TRIM14: variants seen among roughly 807,000 people sequenced by gnomAD.
TRIM14 encodes the protein tripartite motif-containing protein 14.
In TRIM14, 28 loss-of-function variants were observed where a neutral mutation model predicts 44.5. The observed-to-expected ratio is 0.63, with a 90% CI of 0.47 to 0.86. TRIM14 has a LOEUF of 0.86. Ranked by LOEUF, TRIM14 falls within the 40% of genes least tolerant of loss-of-function variation. TRIM14 has a pLI of 0.00. For synonymous variants in TRIM14, 299 were observed against 269.2 expected (o/e 1.11, Z -1.08); for missense variants, 607 against 611.1 (o/e 0.99, Z 0.07).
At chr9:98,116,301 CAAAA>C (rs35650458) in intron 1 of TRIM14, among the ~76,000 whole-genome samples, 13 of 98,600 alleles carry the variant, frequency 1.3e-4, no homozygotes, top group Admixed American at 1.0e-4. Context: ...GACCCTGTCT[CAAAA>C]AAAAAAAAAA....
chr9:98,083,091 T>C (rs746630454), downstream of TRIM14: 2 of 1,597,600 alleles, frequency 1.3e-6, no homozygotes, highest in Non-Finnish European at 1.7e-6. Context: ...TCAGTTCCCT[T>C]GCTGATGCTG....
At position 98,073,436 on chromosome 9, in the gene TRIM14, C is replaced by G. The variant is rs374998611; in HGVS notation, c.*29-3749G>C. 7.2e-5 allele frequency among the ~76,000 whole-genome samples: 11 copies of G among 151,766 alleles called. No homozygotes were observed. The South Asian group carries it at 1.9e-3, about 26-fold the overall frequency. On this transcript the variant is annotated intron_variant, in intron 6 of 6. Coordinates refer to the TRIM14 transcript ENST00000375098. ...AGTAGCTGGGATTACAGACACACAC[C>G]AACACGCCGGGCTAATTTTTGTATT...
Position 98,085,463 on chromosome 9 carries a change from A to G in TRIM14, c.*2007T>C, listed in dbSNP as rs1377985630. On this transcript the variant is annotated 3_prime_UTR_variant, in exon 6 of 6. Coordinates refer to ENST00000341469, the MANE Select transcript of TRIM14 (RefSeq NM_014788.4). ...TAGTCGTAAAGCATTAAAACAGTGCATTATAAACTATTAAGAGCTGTTATT... is the reference window on the plus strand; with the variant it reads ...TAGTCGTAAAGCATTAAAACAGTGCGTTATAAACTATTAAGAGCTGTTATT... 6.6e-6 allele frequency: 1 copy of G among 152,208 alleles called. No homozygotes were observed. The highest frequency in any genetic ancestry group is 1.5e-5 in the Non-Finnish European group (1 of 68,050). The allele number at this position is 152,208 out of a possible 1,614,324, so 9.4% of individuals were successfully genotyped here.
intron 4 of TRIM14, chr9:98,092,365 A>T: frequency 4.8e-6 from 1 of 209,648 alleles, no homozygotes; most frequent in Middle Eastern, 2.0e-3. Flanking sequence ...CTATCCCAAC[A>T]AGCGGGCACA....
chr9:98,036,175 C>A, the TRIM14 span, among the ~76,000 whole-genome samples: 1 of 150,304 alleles, frequency 6.7e-6, no homozygotes, highest in Non-Finnish European at 1.5e-5. Context: ...CCAGCCTGGG[C>A]AACAGAGTGA....
chr9:98,076,851 C>T (rs1216397954), intron 6 of TRIM14: 1 of 1,318,728 alleles, frequency 7.6e-7, no homozygotes, highest in African/African-American at 1.5e-5. Flanking sequence ...TATGTTATTC[C>T]TTGCCTGTCA....
intron 4 of TRIM14, 23 bp from the exon 5 acceptor site, chr9:98,092,024 G>A: frequency 6.4e-7 from 1 of 1,561,604 alleles, no homozygotes; most frequent in Non-Finnish European, 8.7e-7. Context: ...GTTGAGAAAT[G>A]AGCGCCCGGA....
chr9:98,038,987 T>C, the TRIM14 span, among the ~76,000 whole-genome samples: 1 of 151,552 alleles, frequency 6.6e-6, no homozygotes, highest in African/African-American at 2.4e-5. Flanking sequence ...GAGGCAGAGG[T>C]TGCAGTGAGC....
chr9:98,077,081 C>A, intron 6 of TRIM14: 1 of 1,180,610 alleles, frequency 8.5e-7, no homozygotes, highest in Non-Finnish European at 1.2e-6. Flanking sequence ...TTACTCCCCT[C>A]ATGGTGGCCC....
At position 98,073,204 on chromosome 9, in the gene TRIM14, T is replaced by C. The variant is rs114682114; in HGVS notation, c.*29-3517A>G. On this transcript the variant is annotated intron_variant, in intron 6 of 6. Transcript: ENST00000375098. ...CTCTGACAGGCTGCTGCCCTGAGGC[T>C]GGCCCAGCCTATTTGTGGCTACACC... 6.4e-3 allele frequency among the ~76,000 whole-genome samples: 954 copies of C among 148,520 alleles called. 6 individuals are homozygous for C. Among genetic ancestry groups the C allele is most frequent in the African/African-American group, 0.022 (902 of 40,712 alleles).
chr9:98,090,588 G>A (rs1825959184), intron 5 of TRIM14, among the ~76,000 whole-genome samples: 1 of 140,798 alleles, frequency 7.1e-6, no homozygotes. Flanking sequence ...TTTTTAAGAC[G>A]GAGTCTTGCT....
chr9:98,082,881 G>A (rs748375515), downstream of TRIM14: 13 of 1,614,020 alleles, frequency 8.1e-6, no homozygotes, highest in Middle Eastern at 1.6e-4. Context: ...TGAAAATTCC[G>A]GAAGGCACCA....
chr9:98,098,579 G>A (rs1405405790), intron 3 of TRIM14, among the ~76,000 whole-genome samples: 1 of 152,050 alleles, frequency 6.6e-6, no homozygotes, highest in Admixed American at 6.6e-5. Flanking sequence ...GGGCGTGGTG[G>A]GGGGCGCCTG....
rs190342236 is a variant in TRIM14 at position 98,104,754 on chromosome 9, A to C, written c.304-4590T>G. 4.5e-3 allele frequency among the ~76,000 whole-genome samples: 682 copies of C among 152,278 alleles called. 5 individuals carry two copies. Among genetic ancestry groups the C allele is most frequent in the Non-Finnish European group, 8.0e-3 (541 of 68,022 alleles). ...AGAGAAAGAAGCTGAACAGCCATGA[A>C]GCCCCGGTCAGGGAAGGCTGGGGGA... On this transcript the variant is annotated intron_variant, in intron 2 of 5. Coordinates refer to ENST00000341469, the MANE Select transcript of TRIM14 (RefSeq NM_014788.4).
chr9:98,080,776 G>A (rs748469401), downstream of TRIM14: 17 of 1,539,446 alleles, frequency 1.1e-5, no homozygotes, highest in South Asian at 2.1e-4. Context: ...GCATAAAGCA[G>A]CATGATATTT....
At chr9:98,102,637 T>C (rs6478563) in intron 2 of TRIM14, among the ~76,000 whole-genome samples, 53,809 of 151,970 alleles carry the variant, frequency 0.35, 11,939 homozygotes, top group African/African-American at 0.63. Context: ...CAGGCAAATT[T>C]ATAGAGACAG....
chr9:98,109,796 T>G (rs1268129678), intron 2 of TRIM14, 93 bp downstream of exon 2: 17 of 1,069,986 alleles, frequency 1.6e-5, no homozygotes, highest in Middle Eastern at 3.0e-4. Flanking sequence ...TCGCAGTTGG[T>G]TTTTATTTTC....
intron 1 of TRIM14, among the ~76,000 whole-genome samples, chr9:98,111,627 G>T (rs927404325): frequency 5.3e-5 from 8 of 152,262 alleles, no homozygotes; most frequent in South Asian, 2.1e-4. Context: ...GTTTATAAAT[G>T]AACATTTCAT....
the TRIM14 span, among the ~76,000 whole-genome samples, chr9:98,051,886 A>G: frequency 2.2e-5 from 3 of 134,466 alleles, no homozygotes; most frequent in African/African-American, 8.6e-5. Flanking sequence ...GGAATCTCAT[A>G]TTTAGCAGGG....
Sources: gnomAD v4.1 joint callset for allele counts (sites outside exome capture counted in the v4.1 genomes callset) on GRCh38, gnomAD v4.1.1 for gene constraint, MANE v1.5 for transcripts, NCBI Gene and HGNC (gene_info 2026-07-23, HGNC 2026-07-21) for gene names.